The following KSR2 variants were observed in gnomAD, a reference collection of about 807,000 sequenced individuals.
KSR2 encodes kinase suppressor of ras 2.
KSR2 carries 25 observed loss-of-function variants against 107.8 expected under a neutral mutation model. The observed-to-expected ratio is 0.23, with a 90% confidence interval of 0.17 to 0.32. The LOEUF is 0.32. Among genes scored for constraint, KSR2 ranks in the 10% least tolerant of loss-of-function variants. KSR2 has a pLI of 1.00. For missense variants in KSR2, 887 were observed against 1,268.9 expected, an observed-to-expected ratio of 0.70 and a Z score of 4.57; for synonymous variants, 480 against 507.0, an observed-to-expected ratio of 0.95 and a Z score of 0.71.
At chr12:117,920,057 T>C (rs1397148015) in intron 1 of KSR2, among the ~76,000 whole-genome samples, 1 of 152,098 alleles carries the variant, frequency 6.6e-6, no homozygotes, top group Non-Finnish European at 1.5e-5. Flanking sequence ...ATCCACAAAA[T>C]TAAAGGAATA....
chr12:117,514,393 T>C (rs1874230366), intron 14 of KSR2, among the ~76,000 whole-genome samples: 1 of 152,154 alleles, frequency 6.6e-6, no homozygotes, highest in African/African-American at 2.4e-5. Flanking sequence ...TGTCCCAAAA[T>C]AGTCTTTATA....
At chr12:117,933,333 G>A (rs1052210922) in intron 1 of KSR2, among the ~76,000 whole-genome samples, 1 of 152,134 alleles carries the variant, frequency 6.6e-6, no homozygotes, top group African/African-American at 2.4e-5. Flanking sequence ...GCTCATGCCT[G>A]TAATCCCAAA....
intron 5 of KSR2, among the ~76,000 whole-genome samples, chr12:117,641,969 A>G (rs1883383384): frequency 6.6e-6 from 1 of 152,128 alleles, no homozygotes; most frequent in East Asian, 1.9e-4. Context: ...AAACCTGCCA[A>G]GCTCTTTCAG....
chr12:117,818,336 C>T (rs980547264), intron 3 of KSR2, among the ~76,000 whole-genome samples: 1 of 152,128 alleles, frequency 6.6e-6, no homozygotes, highest in Non-Finnish European at 1.5e-5. Context: ...AGGCTACAAC[C>T]AAGGACTCTG....
chr12:117,943,514 A>C (rs1314549999), intron 1 of KSR2, among the ~76,000 whole-genome samples: 2 of 138,236 alleles, frequency 1.4e-5, no homozygotes, highest in South Asian at 2.2e-4. Flanking sequence ...AAAAAAAAAA[A>C]AAAAAAAAAA....
At chr12:117,913,521 C>T (rs962581383) in intron 1 of KSR2, among the ~76,000 whole-genome samples, 8 of 152,126 alleles carry the variant, frequency 5.3e-5, no homozygotes, top group African/African-American at 1.7e-4. Context: ...GGAGATCATA[C>T]TCAAAAGGGT....
chr12:117,720,969 G>A (rs1455160670), intron 4 of KSR2, among the ~76,000 whole-genome samples: 1 of 152,214 alleles, frequency 6.6e-6, no homozygotes, highest in East Asian at 1.9e-4. Context: ...ACAGTGACAG[G>A]TATTGACTAC....
At chr12:117,570,993 C>T (rs1005858084) in intron 7 of KSR2, among the ~76,000 whole-genome samples, 1 of 152,170 alleles carries the variant, frequency 6.6e-6, no homozygotes, top group Non-Finnish European at 1.5e-5. Context: ...CACGGTGGCT[C>T]ATGCCTGTAA....
chr12:117,594,545 G>C (rs1389794207), intron 5 of KSR2, among the ~76,000 whole-genome samples: 1 of 148,292 alleles, frequency 6.7e-6, no homozygotes, highest in African/African-American at 2.4e-5. Context: ...TGAGGCGACA[G>C]GGTTGTGACA....
intron 5 of KSR2, among the ~76,000 whole-genome samples, chr12:117,612,359 G>A (rs923987604): frequency 5.3e-5 from 8 of 149,654 alleles, no homozygotes; most frequent in Non-Finnish European, 7.4e-5. Context: ...AGCCGAGATC[G>A]CACCACTCCA....
intron 7 of KSR2, 132 bp downstream of exon 7, chr12:117,578,987 A>G (rs1879468473): frequency 2.8e-6 from 2 of 708,688 alleles, no homozygotes; most frequent in South Asian, 1.6e-5. Flanking sequence ...TTTCCAATCT[A>G]TTTCTGAAAA....
intron 5 of KSR2, among the ~76,000 whole-genome samples, chr12:117,612,130 C>T (rs773766675): frequency 8.5e-5 from 13 of 152,130 alleles, no homozygotes; most frequent in Non-Finnish European, 1.2e-4. Flanking sequence ...CTCATCCAGG[C>T]GCAGTGGCTC....
intron 7 of KSR2, among the ~76,000 whole-genome samples, chr12:117,573,409 C>T (rs1593007309): frequency 6.6e-6 from 1 of 152,030 alleles, no homozygotes. Context: ...ATATTATTAT[C>T]CCCCTTCTAC....
chr12:117,614,917 C>T (rs1881791380), intron 5 of KSR2, among the ~76,000 whole-genome samples: 1 of 151,956 alleles, frequency 6.6e-6, no homozygotes, highest in African/African-American at 2.4e-5. Context: ...TTTTGATGTG[C>T]TAAGACTTGG....
intron 3 of KSR2, among the ~76,000 whole-genome samples, chr12:117,837,233 C>G (rs1566040660): frequency 6.6e-6 from 1 of 152,168 alleles, no homozygotes; most frequent in African/African-American, 2.4e-5. Context: ...AGAATTAAGC[C>G]AGCATTAGTC....
chr12:117,483,543 C>A (rs1247396250), intron 16 of KSR2, among the ~76,000 whole-genome samples: 1 of 149,522 alleles, frequency 6.7e-6, no homozygotes, highest in African/African-American at 2.5e-5. Flanking sequence ...AGAGAGAGAG[C>A]GAGAGAGAGA....
intron 7 of KSR2, among the ~76,000 whole-genome samples, chr12:117,576,638 C>T (rs1459671573): frequency 1.3e-5 from 2 of 151,714 alleles, no homozygotes; most frequent in African/African-American, 2.4e-5. Context: ...TCTAGGACCA[C>T]GGTATGTGCC....
At chr12:117,802,703 C>T (rs1412690791) in intron 3 of KSR2, among the ~76,000 whole-genome samples, 1 of 152,186 alleles carries the variant, frequency 6.6e-6, no homozygotes, top group East Asian at 1.9e-4. Flanking sequence ...AGGGTCCAAC[C>T]CTTTCTTTCC....
At position 117,680,785 on chromosome 12, in the gene KSR2, G is replaced by T. The variant is rs76365815; in HGVS notation, c.987-13127C>A. On this transcript the variant is annotated intron_variant, in intron 4 of 19. Coordinates refer to ENST00000339824, the MANE Select transcript of KSR2 (RefSeq NM_173598.6). ...TGGGAGGAGAAAAAACAATGGATAT[G>T]ATATGGCCTCATTGTGTCTTTGAAA... 9.5e-3 allele frequency among the ~76,000 whole-genome samples: 1,441 copies of T among 152,272 alleles called. 21 individuals carry two copies. Among genetic ancestry groups the T allele is most frequent in the African/African-American group, 0.033 (1,373 of 41,552 alleles).
Sources: allele counts gnomAD v4.1 joint callset (sites outside exome capture counted in the v4.1 genomes callset), GRCh38; gene constraint gnomAD v4.1.1; transcripts MANE v1.5; gene names NCBI Gene and HGNC (gene_info 2026-07-23, HGNC 2026-07-21).